Variants in RYR3 observed in about 807,000 individuals in gnomAD.
RYR3 encodes brain ryanodine receptor-calcium release channel.
RYR3 carries 207 observed loss-of-function variants against 584.3 expected under a neutral mutation model. The ratio of observed to expected loss-of-function variants is 0.35; its 90% CI spans 0.32 to 0.40. The LOEUF (loss-of-function observed/expected upper bound fraction) is 0.40, where lower values mean the gene tolerates loss of function less well. Among genes scored for constraint, RYR3 ranks in the 10% least tolerant of loss-of-function variants. The pLI is 1.00. For synonymous variants in RYR3, 2,416 were observed against 2,248.5 expected, an observed-to-expected ratio of 1.07 and a Z score of -2.11; for missense variants, 5,616 against 6,089.2, an observed-to-expected ratio of 0.92 and a Z score of 2.59.
chr15:33,827,099 C>T, intron 84 of RYR3, 100 bp from the exon 85 acceptor site: 1 of 1,007,858 alleles, frequency 9.9e-7, no homozygotes, highest in Non-Finnish European at 1.5e-6. Context: ...TCTTGTAAGC[C>T]TTTTCACATA....
chr15:33,532,552 T>C (rs907452778), intron 4 of RYR3, among the ~76,000 whole-genome samples: 6 of 152,238 alleles, frequency 3.9e-5, no homozygotes, highest in African/African-American at 1.4e-4. Flanking sequence ...TTTAGCTTCA[T>C]GTATTGTAAA....
chr15:33,367,787 A>G (rs1975711752), intron 1 of RYR3, among the ~76,000 whole-genome samples: 1 of 152,242 alleles, frequency 6.6e-6, no homozygotes, highest in Non-Finnish European at 1.5e-5. Flanking sequence ...TGGTTGATCT[A>G]GTGATAACAT....
At chr15:33,841,165 C>T (rs982911920) in intron 90 of RYR3, among the ~76,000 whole-genome samples, 3 of 151,880 alleles carry the variant, frequency 2.0e-5, no homozygotes, top group Non-Finnish European at 4.4e-5. Flanking sequence ...TGCAGTGAGC[C>T]AAGATCACAT....
rs556895357 is a variant in RYR3 at position 33,583,850 on chromosome 15, G to A, written c.1574-545G>A. Reference sequence around the variant, plus strand: ...GTGGATCACTTGAGGTCAGGAGTTCGAGACCAGCCTGGCCAACATGGTGAA... The same window carrying A: ...GTGGATCACTTGAGGTCAGGAGTTCAAGACCAGCCTGGCCAACATGGTGAA... On this transcript the variant is annotated intron_variant, in intron 14 of 103. Coordinates refer to ENST00000634891, the MANE Select transcript of RYR3 (RefSeq NM_001036.6). Among the ~76,000 whole-genome samples, 30 of 152,110 alleles carry A rather than the reference G, an allele frequency of 2.0e-4. No homozygotes were observed. In the South Asian group the frequency reaches 5.2e-3, roughly 26 times the overall value.
Position 33,603,335 on chromosome 15 carries a change from A to G in RYR3, c.2135A>G (p.Tyr712Cys). The G allele has an allele frequency of 1.2e-6, 2 of 1,603,226 alleles. No homozygotes were observed. The highest frequency in any genetic ancestry group is 1.1e-5 in the South Asian group (1 of 89,856). ...GGTGTTGGTGACGACCTGTACTCCT[A>G]TGGCTTTGATGGACTTCACCTTTGG... ...GNGVGDDLYSYGFDGLHLWSG... is the reference protein window; with the variant it reads ...GNGVGDDLYSCGFDGLHLWSG... Residue 712 changes from tyrosine to cysteine, a missense_variant, in exon 18 of 104, where the codon TAT (tyrosine) becomes TGT (cysteine). By Grantham distance (194) the Tyr-to-Cys change is radical. Coordinates refer to ENST00000634891, the MANE Select transcript of RYR3 (RefSeq NM_001036.6).
chr15:33,422,674 C>A (rs1278918858), intron 1 of RYR3, among the ~76,000 whole-genome samples: 1 of 152,072 alleles, frequency 6.6e-6, no homozygotes, highest in Non-Finnish European at 1.5e-5. Flanking sequence ...CCTCGCACAT[C>A]CTGGGACTCT....
At chr15:33,631,977 G>A (rs931821948) in intron 23 of RYR3, among the ~76,000 whole-genome samples, 4 of 152,176 alleles carry the variant, frequency 2.6e-5, no homozygotes, top group African/African-American at 4.8e-5. Context: ...GCAACTCCTA[G>A]TACCAAGAAA....
At chr15:33,489,841 C>G (rs771480048) in intron 2 of RYR3, among the ~76,000 whole-genome samples, 3 of 152,188 alleles carry the variant, frequency 2.0e-5, no homozygotes, top group Non-Finnish European at 4.4e-5. Context: ...ATTCCTCTTT[C>G]TCTGCACCCT....
chr15:33,412,813 G>T lies in RYR3; in HGVS notation c.52-60606G>T, dbSNP rs1336622186. Among the ~76,000 whole-genome samples, 1 of 152,160 alleles carries T rather than the reference G, an allele frequency of 6.6e-6. No homozygotes were observed. Among genetic ancestry groups the T allele is most frequent in the Admixed American group, 6.5e-5 (1 of 15,276 alleles). On this transcript the variant is annotated intron_variant, in intron 1 of 103. Transcript: ENST00000634891. The surrounding 1 kb of genome is among the most constrained non-coding windows in gnomAD (Gnocchi z 4.3). Reference sequence around the variant, plus strand: ...TGCAAACAGATTTGCTTGTTAAATGGAGAAAACCAAGTTTGTATGCATTTG... The same window carrying T: ...TGCAAACAGATTTGCTTGTTAAATGTAGAAAACCAAGTTTGTATGCATTTG...
chr15:33,846,652 G>A (rs1459484335), intron 93 of RYR3, among the ~76,000 whole-genome samples: 1 of 152,108 alleles, frequency 6.6e-6, no homozygotes, highest in African/African-American at 2.4e-5. Flanking sequence ...CAGCTACTGT[G>A]CTGCAGAGAC....
chr15:33,355,648 A>G (rs1159765409), intron 1 of RYR3, among the ~76,000 whole-genome samples: 1 of 152,192 alleles, frequency 6.6e-6, no homozygotes. Context: ...CTAGTCATCA[A>G]GAGTGTCTAA....
intron 27 of RYR3, among the ~76,000 whole-genome samples, chr15:33,640,755 G>C (rs2061761720): frequency 6.6e-6 from 1 of 152,184 alleles, no homozygotes; most frequent in South Asian, 2.1e-4. Context: ...AAGAACTTCT[G>C]TATACATCTT....
chr15:33,484,978 A>C (rs1281808752), intron 2 of RYR3, among the ~76,000 whole-genome samples: 1 of 152,240 alleles, frequency 6.6e-6, no homozygotes, highest in African/African-American at 2.4e-5. Flanking sequence ...ATGAGAGTGA[A>C]TACAGAAAAT....
chr15:33,343,440 C>T (rs28538120), intron 1 of RYR3, among the ~76,000 whole-genome samples: 19,480 of 152,224 alleles, frequency 0.13, 1,664 homozygotes, highest in East Asian at 0.27. Context: ...CCTGCTGAAT[C>T]ACACAAGAGA....
intron 1 of RYR3, among the ~76,000 whole-genome samples, chr15:33,457,329 G>A (rs1010231771): frequency 2.0e-5 from 3 of 152,174 alleles, no homozygotes; most frequent in Non-Finnish European, 4.4e-5. Flanking sequence ...CAATAGCCAA[G>A]ATATAGAATC....
At chr15:33,627,878 T>TGAACATG (rs1566816629) in intron 20 of RYR3, among the ~76,000 whole-genome samples, 2 of 152,054 alleles carry the variant, frequency 1.3e-5, no homozygotes, top group East Asian at 3.9e-4. Flanking sequence ...AGAAGGACAC[T>TGAACATG]TAGGAAATGA....
intron 38 of RYR3, among the ~76,000 whole-genome samples, chr15:33,694,991 C>T (rs1408805411): frequency 6.6e-6 from 1 of 152,226 alleles, no homozygotes; most frequent in African/African-American, 2.4e-5. Context: ...CAGACATCTG[C>T]CATCTATAGT....
rs1277439703 is a variant in RYR3, at chr15:33,861,145, A to G, written c.14432A>G (p.His4811Arg). The change falls in exon 102 of 104, where the codon CAT becomes CGT. Residue 4811 changes from histidine to arginine, a missense_variant. Physicochemically the swap from His to Arg is conservative, Grantham distance 29. Transcript: ENST00000634891. ...ACAACCCCTCATGGTTTTGAAACAC[A>G]TACATTACAAGAGCACAACTTAGCC... ...FDTTPHGFETHTLQEHNLANY... is the reference protein window; with the variant it reads ...FDTTPHGFETRTLQEHNLANY... 6.3e-7 allele frequency: 1 copy of G among 1,596,244 alleles called. No homozygotes were observed. Among genetic ancestry groups the G allele is most frequent in the East Asian group, 2.2e-5 (1 of 44,548 alleles).
At chr15:33,842,301 A>C (rs970172953) in intron 91 of RYR3, among the ~76,000 whole-genome samples, 3 of 152,202 alleles carry the variant, frequency 2.0e-5, no homozygotes, top group African/African-American at 7.2e-5. Flanking sequence ...CCAGGAGAGC[A>C]GGAACACCTC....
Sources: gnomAD v4.1 joint callset for allele counts (sites outside exome capture counted in the v4.1 genomes callset) on GRCh38, gnomAD v4.1.1 for gene constraint, Gnocchi (gnomAD v3.1) non-coding constraint, MANE v1.5 for transcripts, NCBI Gene and HGNC (gene_info 2026-07-23, HGNC 2026-07-21) for gene names.